SPAG16: variants seen among roughly 807,000 people sequenced by gnomAD.
SPAG16 encodes the protein sperm-associated antigen 16 protein.
A neutral mutation model predicts 80.4 loss-of-function variants in SPAG16; 86 were observed. The observed-to-expected ratio is 1.07, with a 90% CI of 0.90 to 1.28. The LOEUF (loss-of-function observed/expected upper bound fraction) is 1.28. Ranked by LOEUF, SPAG16 falls within the 50% of genes most tolerant of loss-of-function variation. SPAG16 has a pLI of 0.00. For missense variants in SPAG16, 870 were observed against 765.3 expected, an observed-to-expected ratio of 1.14 and a Z score of -1.61; for synonymous variants, 294 against 265.9, an observed-to-expected ratio of 1.11 and a Z score of -1.03.
intron 10 of SPAG16, among the ~76,000 whole-genome samples, chr2:213,560,545 T>G (rs376214252): frequency 6.6e-5 from 10 of 152,268 alleles, no homozygotes; most frequent in East Asian, 5.8e-4. Context: ...AAATGAATAA[T>G]GAAAGATTCT....
rs138871158 is a variant in SPAG16 at position 213,777,226 on chromosome 2, A to G, written c.1071-85259A>G. ...TCTGGTCATTCTTCAGCAAGTGTCC[A>G]GTTTGTAGGAATTTTTTTTTTTTTT... On this transcript the variant is annotated intron_variant, in intron 10 of 15. Transcript: ENST00000331683. Among the ~76,000 whole-genome samples the G allele has an allele frequency of 2.8e-3, 402 of 142,046 alleles. 2 individuals carry two copies. The highest frequency in any genetic ancestry group is 0.01 in the African/African-American group (385 of 38,460). The allele number at this position is 142,046 out of a possible 152,430, so 93.2% of individuals were successfully genotyped here.
intron 10 of SPAG16, among the ~76,000 whole-genome samples, chr2:213,682,447 A>G (rs1365928171): frequency 6.6e-6 from 1 of 152,234 alleles, no homozygotes; most frequent in Non-Finnish European, 1.5e-5. Flanking sequence ...AGAAGAAAGA[A>G]ACACAAAAAG....
intron 3 of SPAG16, among the ~76,000 whole-genome samples, chr2:213,308,616 G>GTCT (rs1326452050): frequency 3.9e-5 from 6 of 152,018 alleles, no homozygotes; most frequent in Admixed American, 2.6e-4. Flanking sequence ...AAGTTAACAG[G>GTCT]GTTGCAACAT....
chr2:213,915,557 T>A (rs2077917589), intron 11 of SPAG16, among the ~76,000 whole-genome samples: 1 of 152,192 alleles, frequency 6.6e-6, no homozygotes, highest in South Asian at 2.1e-4. Flanking sequence ...GTTCCAAGTC[T>A]TTGCTATTGT....
chr2:213,894,415 C>G (rs1279851015), intron 11 of SPAG16, among the ~76,000 whole-genome samples: 2 of 152,064 alleles, frequency 1.3e-5, no homozygotes, highest in Non-Finnish European at 2.9e-5. Context: ...AAACCCTCAT[C>G]AAAATGGATG....
chr2:213,886,321 C>T (rs1341511318), intron 11 of SPAG16, among the ~76,000 whole-genome samples: 1 of 151,922 alleles, frequency 6.6e-6, no homozygotes, highest in Non-Finnish European at 1.5e-5. Flanking sequence ...CCATGGGGAA[C>T]GGATATTCAG....
intron 15 of SPAG16, among the ~76,000 whole-genome samples, chr2:214,298,030 G>A (rs956934963): frequency 6.8e-5 from 10 of 147,746 alleles, no homozygotes; most frequent in African/African-American, 2.5e-4. Flanking sequence ...GTATTTTATA[G>A]TTCTCCTTGT....
chr2:213,662,530 A>G (rs1208417059), intron 10 of SPAG16, among the ~76,000 whole-genome samples: 1 of 152,182 alleles, frequency 6.6e-6, no homozygotes, highest in Admixed American at 6.6e-5. Context: ...GTTAGTTGAC[A>G]GTACAATTAA....
intron 15 of SPAG16, among the ~76,000 whole-genome samples, chr2:214,277,771 C>T (rs1692582375): frequency 6.6e-6 from 1 of 152,206 alleles, no homozygotes; most frequent in South Asian, 2.1e-4. Context: ...GTCAGGGACC[C>T]ACTTGAGGAA....
intron 11 of SPAG16, among the ~76,000 whole-genome samples, chr2:213,879,135 CT>C (rs34645008): frequency 0.6 from 90,103 of 151,432 alleles, 28,660 homozygotes; most frequent in South Asian, 0.85. Flanking sequence ...TATTTGAGCT[CT>C]TTTTTTGATT....
chr2:213,980,517 T>C (rs1050426766), intron 12 of SPAG16, among the ~76,000 whole-genome samples: 12 of 141,548 alleles, frequency 8.5e-5, no homozygotes, highest in African/African-American at 3.1e-4. Context: ...ATATATAATA[T>C]ATATAGAATA....
intron 12 of SPAG16, among the ~76,000 whole-genome samples, chr2:213,980,712 G>GTGTGTATATATATATATATATATA (rs1469351640): frequency 8.8e-5 from 10 of 114,008 alleles, no homozygotes; most frequent in Non-Finnish European, 1.5e-4. Flanking sequence ...GTGTGTGTGT[G>GTGTGTATATATATATATATATATA]TATATATATA....
At chr2:213,967,803 G>T (rs1413146476) in intron 12 of SPAG16, among the ~76,000 whole-genome samples, 1 of 152,112 alleles carries the variant, frequency 6.6e-6, no homozygotes, top group East Asian at 1.9e-4. Flanking sequence ...TTTATGAAAT[G>T]TTGAGTCTGT....
At chr2:214,200,642 C>G (rs1478860024) in intron 15 of SPAG16, among the ~76,000 whole-genome samples, 1 of 152,086 alleles carries the variant, frequency 6.6e-6, no homozygotes, top group African/African-American at 2.4e-5. Context: ...CACTTCACTC[C>G]TGCCTGGGAG....
At chr2:213,920,610 G>A (rs994262365) in intron 11 of SPAG16, among the ~76,000 whole-genome samples, 3 of 152,154 alleles carry the variant, frequency 2.0e-5, no homozygotes, top group African/African-American at 7.2e-5. Flanking sequence ...CTATTATGTG[G>A]GCTCCCAGAG....
At chr2:213,512,414 GA>G (rs2075265050) in intron 10 of SPAG16, among the ~76,000 whole-genome samples, 1 of 152,172 alleles carries the variant, frequency 6.6e-6, no homozygotes, top group African/African-American at 2.4e-5. Context: ...CCATGTAAGG[GA>G]AGTGCTTCCT....
At chr2:214,060,010 G>A (rs1023598775) in intron 13 of SPAG16, among the ~76,000 whole-genome samples, 2 of 152,088 alleles carry the variant, frequency 1.3e-5, no homozygotes. Context: ...AGGACCTGCG[G>A]GCAATGCAGC....
chr2:213,755,376 G>A (rs1008738018), intron 10 of SPAG16, among the ~76,000 whole-genome samples: 16 of 152,084 alleles, frequency 1.1e-4, no homozygotes, highest in African/African-American at 3.4e-4. Flanking sequence ...ATAGGTGTCT[G>A]TGTAATGGAA....
intron 15 of SPAG16, among the ~76,000 whole-genome samples, chr2:214,203,148 A>G (rs1205709164): frequency 1.3e-5 from 2 of 152,258 alleles, no homozygotes; most frequent in African/African-American, 4.8e-5. Flanking sequence ...GAGATTTATA[A>G]TTGAAAATAA....
Sources: gnomAD v4.1 joint callset for allele counts (sites outside exome capture counted in the v4.1 genomes callset) on GRCh38, gnomAD v4.1.1 for gene constraint, MANE v1.5 for transcripts, NCBI Gene and HGNC (gene_info 2026-07-23, HGNC 2026-07-21) for gene names.